The following SNTG2 variants were observed in gnomAD, a reference collection of about 807,000 sequenced individuals.
SNTG2 encodes the protein syntrophin gamma 2, also known as gamma-2-syntrophin.
In SNTG2, 74 loss-of-function variants were observed where a neutral mutation model predicts 70.9. That is an observed-to-expected ratio of 1.04 (90% CI 0.86 to 1.27). The LOEUF is 1.27. Among genes scored for constraint, SNTG2 ranks in the 50% most tolerant of loss-of-function variants. The pLI is 0.00. For synonymous variants in SNTG2, 278 were observed against 273.8 expected, an observed-to-expected ratio of 1.02 and a Z score of -0.15; for missense variants, 717 against 690.7, an observed-to-expected ratio of 1.04 and a Z score of -0.43.
At position 1,024,850 on chromosome 2, in the gene SNTG2, C is replaced by T. The variant is rs187208440; in HGVS notation, c.73-58668C>T. Among the ~76,000 whole-genome samples, 13 of 152,282 alleles carry T rather than the reference C, an allele frequency of 8.5e-5. No individual in the cohort carries two copies. In the East Asian group the frequency reaches 2.5e-3, roughly 29 times the overall value. On this transcript the variant is annotated intron_variant, in intron 1 of 16. Transcript: ENST00000308624. Reference sequence around the variant, plus strand: ...AGGTGACATAGGTAATACAGGTCCACATTGTGTACTCTACCAAGAAATAAA... The same window carrying T: ...AGGTGACATAGGTAATACAGGTCCATATTGTGTACTCTACCAAGAAATAAA...
rs34098626 is a variant in SNTG2 at position 1,012,699 on chromosome 2, T to A, written c.72+61631T>A. Among the ~76,000 whole-genome samples the A allele has an allele frequency of 2.4e-3, 191 of 78,748 alleles. 14 individuals are homozygous for A. Among genetic ancestry groups the A allele is most frequent in the African/African-American group, 3.1e-3 (68 of 21,746 alleles). The allele number at this position is 78,748 out of a possible 152,430, so 51.7% of individuals were successfully genotyped here. A position where few individuals can be genotyped will look rare whatever the true frequency, so the allele number is the denominator to read the frequency against. On this transcript the variant is annotated intron_variant, in intron 1 of 16. Coordinates refer to ENST00000308624, the MANE Select transcript of SNTG2 (RefSeq NM_018968.4). ...AGGGTGGTCTGGAGAAGGATTTATA[T>A]GGGCAGAGAGAAGGGTGGTCTGTAG... is the stretch of plus-strand genomic sequence containing the variant.
chr2:1,003,513 T>C (rs186792451), intron 1 of SNTG2, among the ~76,000 whole-genome samples: 1 of 152,340 alleles, frequency 6.6e-6, no homozygotes, highest in African/African-American at 2.4e-5. Context: ...TAGACTTCAT[T>C]ACATATGACA....
Position 1,302,287 on chromosome 2 carries a change from G to A in SNTG2, c.1285-6207G>A, listed in dbSNP as rs146486575. 5.1e-3 allele frequency among the ~76,000 whole-genome samples: 770 copies of A among 151,898 alleles called. 16 individuals carry two copies. Among genetic ancestry groups the A allele is most frequent in the Admixed American group, 0.034 (525 of 15,254 alleles). ...GTTTACTAAATTATGTTTTATGGTC[G>A]AAGAAAAAATAATAACACTGTCTGA... On this transcript the variant is annotated intron_variant, in intron 14 of 16. Coordinates refer to ENST00000308624, the MANE Select transcript of SNTG2 (RefSeq NM_018968.4).
intron 14 of SNTG2, among the ~76,000 whole-genome samples, chr2:1,301,383 A>G (rs1187638495): frequency 6.6e-6 from 1 of 152,194 alleles, no homozygotes; most frequent in Non-Finnish European, 1.5e-5. Context: ...CACCTGTATC[A>G]CTGGAGTCCA....
chr2:1,250,801 T>G (rs1348499124), intron 12 of SNTG2, among the ~76,000 whole-genome samples: 1 of 152,228 alleles, frequency 6.6e-6, no homozygotes, highest in African/African-American at 2.4e-5. Context: ...TTTACTTGCT[T>G]TCCAGTCCCT....
intron 8 of SNTG2, among the ~76,000 whole-genome samples, chr2:1,202,882 G>C (rs1450945252): frequency 1.3e-5 from 2 of 152,098 alleles, no homozygotes; most frequent in Non-Finnish European, 2.9e-5. Context: ...TTGTAAATAT[G>C]GTATGTACCT....
chr2:1,352,369 C>G lies in SNTG2; in HGVS notation c.1489-14974C>G, dbSNP rs560163546. Among the ~76,000 whole-genome samples the G allele has an allele frequency of 3.0e-4, 45 of 152,072 alleles. 1 individual carries two copies. The South Asian group carries it at 8.9e-3, about 30-fold the overall frequency. On this transcript the variant is annotated intron_variant, in intron 16 of 16. Coordinates refer to ENST00000308624, the MANE Select transcript of SNTG2 (RefSeq NM_018968.4). The stretch of plus-strand genomic sequence containing the variant: ...CCTTTGGACTAGGATGCAGGCCCCT[C>G]TGCCCCCTGAGCTCCTTTGGACTGG...
At chr2:1,015,269 T>C (rs1237920283) in intron 1 of SNTG2, among the ~76,000 whole-genome samples, 1 of 152,054 alleles carries the variant, frequency 6.6e-6, no homozygotes, top group African/African-American at 2.4e-5. Flanking sequence ...GGATTCAATG[T>C]CTAGTTAAAG....
At chr2:1,266,232 G>A (rs915240376) in intron 13 of SNTG2, among the ~76,000 whole-genome samples, 7 of 152,258 alleles carry the variant, frequency 4.6e-5, no homozygotes, top group Middle Eastern at 3.4e-3. Flanking sequence ...TATTGAGTGC[G>A]CGTTCACCAT....
chr2:1,137,832 T>G, intron 6 of SNTG2, 23 bp downstream of exon 6: 1 of 1,577,480 alleles, frequency 6.3e-7, no homozygotes, highest in Non-Finnish European at 8.7e-7. Context: ...CATTTTATAG[T>G]TATTCTGTTT....
intron 9 of SNTG2, among the ~76,000 whole-genome samples, chr2:1,211,475 T>A (rs1012870912): frequency 6.6e-6 from 1 of 152,160 alleles, no homozygotes; most frequent in Non-Finnish European, 1.5e-5. Flanking sequence ...GGGTCTCTAC[T>A]TGTATTAGTC....
At chr2:994,290 C>A (rs1303751628) in intron 1 of SNTG2, among the ~76,000 whole-genome samples, 1 of 152,066 alleles carries the variant, frequency 6.6e-6, no homozygotes, top group East Asian at 1.9e-4. Context: ...TCCTGGAAAT[C>A]CTGTTGAAAA....
chr2:1,198,700 G>T (rs763059101), intron 8 of SNTG2, among the ~76,000 whole-genome samples: 1 of 151,914 alleles, frequency 6.6e-6, no homozygotes, highest in Non-Finnish European at 1.5e-5. Flanking sequence ...AAACAAAAAA[G>T]ATTTTGAAGC....
At chr2:1,173,959 A>T (rs1359666335) in intron 8 of SNTG2, among the ~76,000 whole-genome samples, 2 of 152,258 alleles carry the variant, frequency 1.3e-5, no homozygotes, top group East Asian at 3.8e-4. Context: ...CAGTCAAATC[A>T]TCAAAATGAC....
At chr2:1,204,738 A>C (rs1436530500) in intron 8 of SNTG2, among the ~76,000 whole-genome samples, 2 of 152,202 alleles carry the variant, frequency 1.3e-5, no homozygotes, top group African/African-American at 4.8e-5. Context: ...TACGGGGCCT[A>C]ATTTAGAAAT....
chr2:1,313,849 T>C (rs750015727), intron 15 of SNTG2, among the ~76,000 whole-genome samples: 3 of 152,142 alleles, frequency 2.0e-5, no homozygotes, highest in Admixed American at 6.5e-5. Flanking sequence ...AAGAGCTAGA[T>C]GGTAAAATTA....
chr2:1,134,637 C>T (rs1168881106), intron 4 of SNTG2, among the ~76,000 whole-genome samples: 2 of 152,210 alleles, frequency 1.3e-5, no homozygotes, highest in African/African-American at 4.8e-5. Context: ...AAGGCCCCAC[C>T]AGACTCAGGA....
intron 9 of SNTG2, among the ~76,000 whole-genome samples, chr2:1,230,434 T>C (rs957844115): frequency 1.2e-4 from 18 of 152,106 alleles, no homozygotes; most frequent in African/African-American, 4.3e-4. Context: ...GTTCTGTGAG[T>C]GATGCCTTCA....
intron 9 of SNTG2, among the ~76,000 whole-genome samples, chr2:1,233,120 T>C (rs542093353): frequency 2.0e-5 from 3 of 152,380 alleles, no homozygotes; most frequent in Admixed American, 6.5e-5. Context: ...CTTTAAAAAC[T>C]GGACAGCTTA....
Sources: allele counts gnomAD v4.1 joint callset (sites outside exome capture counted in the v4.1 genomes callset), GRCh38; gene constraint gnomAD v4.1.1; transcripts MANE v1.5; gene names NCBI Gene and HGNC (gene_info 2026-07-23, HGNC 2026-07-21).